The following ELMO1 variants were observed in gnomAD, a reference collection of about 807,000 sequenced individuals.
The protein encoded by ELMO1 is engulfment and cell motility 1.
In ELMO1, 26 loss-of-function variants were observed where a neutral mutation model predicts 98.9. The ratio of observed to expected loss-of-function variants is 0.26; its 90% CI spans 0.19 to 0.36. ELMO1 has a LOEUF of 0.36. Among genes scored for constraint, ELMO1 ranks in the 10% least tolerant of loss-of-function variants. ELMO1 has a pLI of 1.00. For missense variants in ELMO1, 627 were observed against 935.2 expected (o/e 0.67, Z 4.30); for synonymous variants, 346 against 346.0 (o/e 1.00, Z 0.00).
intron 13 of ELMO1, among the ~76,000 whole-genome samples, chr7:37,166,507 G>C (rs1293641572): frequency 6.6e-6 from 1 of 151,908 alleles, no homozygotes; most frequent in Non-Finnish European, 1.5e-5. Context: ...ACACTGCTTT[G>C]AATGTGTCCC....
At chr7:37,374,622 G>A (rs369654474) in intron 1 of ELMO1, among the ~76,000 whole-genome samples, 4 of 152,074 alleles carry the variant, frequency 2.6e-5, no homozygotes, top group East Asian at 3.9e-4. Flanking sequence ...GTGGTGGCAC[G>A]CACCTGTAGT....
intron 13 of ELMO1, among the ~76,000 whole-genome samples, chr7:37,144,649 T>C (rs1787867990): frequency 1.3e-5 from 2 of 152,194 alleles, no homozygotes; most frequent in Admixed American, 6.5e-5. Flanking sequence ...AATGCTGCTC[T>C]GTGAATCACA....
At chr7:37,441,176 G>T (rs1805401066) in intron 1 of ELMO1, among the ~76,000 whole-genome samples, 2 of 151,562 alleles carry the variant, frequency 1.3e-5, no homozygotes, top group South Asian at 4.2e-4. Context: ...GCGGAAGGAA[G>T]GGTGGAGGGT....
intron 16 of ELMO1, among the ~76,000 whole-genome samples, chr7:36,937,274 TAAG>T (rs1171278068): frequency 2.6e-5 from 4 of 152,138 alleles, no homozygotes; most frequent in African/African-American, 4.8e-5. Flanking sequence ...GGCGTCCTTA[TAAG>T]AAGATGGCAA....
intron 8 of ELMO1, among the ~76,000 whole-genome samples, chr7:37,225,642 A>T (rs1275813973): frequency 6.6e-6 from 1 of 152,236 alleles, no homozygotes; most frequent in South Asian, 2.1e-4. Flanking sequence ...CAAATTTAGC[A>T]AACAGGAAAT....
rs145710484 is a variant in ELMO1 at position 36,971,801 on chromosome 7, G to T, written c.1437+41498C>A. ...TAACTGCCAACTGGTGTCGGAGCGG[G>T]TCCTTTTCTAAAAAAGGGATTAATA... On this transcript the variant is annotated intron_variant, in intron 16 of 21. Transcript: ENST00000310758. Among the ~76,000 whole-genome samples the T allele has an allele frequency of 2.0e-4, 30 of 152,230 alleles. No individual in the cohort carries two copies. The East Asian group carries it at 5.8e-3, about 29-fold the overall frequency.
chr7:37,258,065 C>A (rs913758092), intron 6 of ELMO1, among the ~76,000 whole-genome samples: 15 of 152,126 alleles, frequency 9.9e-5, no homozygotes, highest in Non-Finnish European at 2.2e-4. Flanking sequence ...GTCAAGAGAT[C>A]GAGACCATCC....
intron 16 of ELMO1, among the ~76,000 whole-genome samples, chr7:37,008,894 C>T (rs922489096): frequency 1.3e-5 from 2 of 152,126 alleles, no homozygotes; most frequent in African/African-American, 2.4e-5. Flanking sequence ...TGAAAATACT[C>T]ATTCATAGCT....
At chr7:36,966,235 A>G (rs1024314781) in intron 16 of ELMO1, among the ~76,000 whole-genome samples, 3 of 152,224 alleles carry the variant, frequency 2.0e-5, no homozygotes, top group Non-Finnish European at 2.9e-5. Flanking sequence ...AATTCTGCCA[A>G]TATGAGTTTA....
chr7:37,143,710 G>GC (rs1787793115), intron 13 of ELMO1, among the ~76,000 whole-genome samples: 1 of 54,354 alleles, frequency 1.8e-5, no homozygotes, highest in Non-Finnish European at 3.7e-5. Flanking sequence ...GCAGCCGGTC[G>GC]ATTTTTTTTT....
chr7:37,096,545 C>T (rs2129256991), intron 15 of ELMO1, 74 bp downstream of exon 15: 1 of 1,306,322 alleles, frequency 7.7e-7, no homozygotes, highest in Non-Finnish European at 1.1e-6. Flanking sequence ...GATTTCTTCA[C>T]ACAGGTAGGG....
chr7:37,237,448 C>T (rs1794535273), intron 7 of ELMO1, among the ~76,000 whole-genome samples: 1 of 152,140 alleles, frequency 6.6e-6, no homozygotes, highest in South Asian at 2.1e-4. Context: ...CACCACCATG[C>T]CCAGCTAATT....
chr7:37,041,853 G>A (rs899513575), intron 15 of ELMO1, among the ~76,000 whole-genome samples: 2 of 151,964 alleles, frequency 1.3e-5, no homozygotes, highest in Non-Finnish European at 2.9e-5. Context: ...AAGTGGACAC[G>A]GGTTTTCTTG....
intron 15 of ELMO1, among the ~76,000 whole-genome samples, chr7:37,088,988 C>T (rs1034314884): frequency 6.6e-6 from 1 of 151,794 alleles, no homozygotes; most frequent in South Asian, 2.1e-4. Flanking sequence ...AGTACAAGCT[C>T]GTATTTGGAG....
In ELMO1 at chr7:36,871,316, G is replaced by C. The variant is rs1197985498; in HGVS notation, c.1823-841C>G. ...TTTGAGGGGCTGAGGCAGGAGGACT[G>C]CTTAAGGCCAGGCCTTTGAAACCAG... is the stretch of plus-strand genomic sequence containing the variant. On this transcript the variant is annotated intron_variant, in intron 19 of 21. Transcript: ENST00000310758. 2.0e-5 allele frequency among the ~76,000 whole-genome samples: 3 copies of C among 152,216 alleles called. No homozygotes were observed. The East Asian group carries it at 5.8e-4, about 29-fold the overall frequency.
intron 16 of ELMO1, among the ~76,000 whole-genome samples, chr7:36,971,874 G>A (rs565745458): frequency 6.6e-6 from 1 of 152,182 alleles, no homozygotes; most frequent in South Asian, 2.1e-4. Context: ...GAATAAGACA[G>A]GATAAAACAA....
At chr7:37,362,217 G>GATATAT (rs34013669) in intron 1 of ELMO1, among the ~76,000 whole-genome samples, 1 of 89,828 alleles carries the variant, frequency 1.1e-5, no homozygotes, top group East Asian at 1.1e-3. Context: ...AAATGTATAT[G>GATATAT]ATATATATAT....
intron 11 of ELMO1, among the ~76,000 whole-genome samples, chr7:37,214,357 G>A (rs1006144488): frequency 6.6e-6 from 1 of 152,192 alleles, no homozygotes; most frequent in Non-Finnish European, 1.5e-5. Flanking sequence ...TTGGCAATCT[G>A]TAGTTGCTCC....
intron 13 of ELMO1, among the ~76,000 whole-genome samples, chr7:37,180,674 G>A (rs1018307913): frequency 1.3e-5 from 2 of 152,088 alleles, no homozygotes; most frequent in African/African-American, 4.8e-5. Context: ...GTACAATAGG[G>A]CCATATTAGC....
Sources: gnomAD v4.1 joint callset for allele counts (sites outside exome capture counted in the v4.1 genomes callset) on GRCh38, gnomAD v4.1.1 for gene constraint, MANE v1.5 for transcripts, NCBI Gene and HGNC (gene_info 2026-07-23, HGNC 2026-07-21) for gene names.